NTRK1: variants seen among roughly 807,000 people sequenced by gnomAD.
NTRK1 encodes the protein neurotrophic receptor tyrosine kinase 1, also known as high affinity nerve growth factor receptor.
In NTRK1, 62 loss-of-function variants were observed where a neutral mutation model predicts 86.8. That is an observed-to-expected ratio of 0.71 (90% confidence interval 0.58 to 0.88). NTRK1 has a LOEUF of 0.88. Ranked by LOEUF, NTRK1 falls within the 40% of genes least tolerant of loss-of-function variation. The probability of loss-of-function intolerance (pLI) is 0.00; values close to 1 mark genes in which losing one functional copy is unlikely to be tolerated. For synonymous variants in NTRK1, 469 were observed against 456.6 expected, an observed-to-expected ratio of 1.03 and a Z score of -0.35; for missense variants, 967 against 1,078.4, an observed-to-expected ratio of 0.90 and a Z score of 1.45.
At chr1:156,846,772 CCA>C in intron 2 of NTRK1, 1 of 1,604,002 alleles carries the variant, frequency 6.2e-7, no homozygotes, top group East Asian at 2.2e-5. Flanking sequence ...ACACCCATCC[CCA>C]GAGCTGAGGG....
intron 2 of NTRK1, chr1:156,844,562 G>A (rs1654920087): frequency 1.2e-6 from 2 of 1,614,180 alleles, no homozygotes; most frequent in African/African-American, 1.3e-5. Context: ...GGGGCAGCAG[G>A]GCCAGGTGGA....
chr1:156,821,524 A>T (rs769611619), intron 1 of NTRK1, among the ~76,000 whole-genome samples: 13 of 151,330 alleles, frequency 8.6e-5, no homozygotes, highest in Middle Eastern at 3.4e-3. Flanking sequence ...GTCAGAAGAC[A>T]TGAGATTAAG....
chr1:156,847,652 T>C (rs1419169146), intron 2 of NTRK1, among the ~76,000 whole-genome samples: 7 of 151,014 alleles, frequency 4.6e-5, no homozygotes, highest in Admixed American at 4.6e-4. Context: ...ATAAGCAGGA[T>C]AGTCCAGGAG....
In NTRK1 at chr1:156,846,796, C is replaced by A. The variant is rs745445400; in HGVS notation, c.50+4603C>A. 1.9e-6 allele frequency: 3 copies of A among 1,545,220 alleles called. No homozygotes were observed. The South Asian group carries it at 3.4e-5, about 17-fold the overall frequency. On this transcript the variant is annotated intron_variant, in intron 2 of 16. Transcript: ENST00000392302. ...CCCAGAGCTGAGGGGTCATTCAACC[C>A]CACCCTCAAGTTCTGGCACCCCCGC... is the stretch of plus-strand genomic sequence containing the variant.
At position 156,818,976 on chromosome 1, in the gene NTRK1, C is replaced by T. The variant is rs903686571; in HGVS notation, c.-64+3138C>T. Among the ~76,000 whole-genome samples the T allele has an allele frequency of 3.3e-5, 5 of 152,210 alleles. No homozygotes were observed. The East Asian group carries it at 9.7e-4, about 29-fold the overall frequency. ...CTGTTCCCTTTTCACCACATCCATG[C>T]CAACATCTATTTGTGTGTCTGTGTG... On this transcript the variant is annotated intron_variant, in intron 1 of 16. Coordinates refer to the NTRK1 transcript ENST00000392302.
At chr1:156,832,720 G>A (rs1393416958) in intron 1 of NTRK1, among the ~76,000 whole-genome samples, 1 of 152,186 alleles carries the variant, frequency 6.6e-6, no homozygotes, top group Admixed American at 6.5e-5. Flanking sequence ...TTGGCACTGG[G>A]GAGCCATTGA....
At chr1:156,874,871 A>G (rs2102911660) in intron 10 of NTRK1, 35 bp from the exon 11 acceptor site, 1 of 1,472,610 alleles carries the variant, frequency 6.8e-7, no homozygotes, top group Non-Finnish European at 9.5e-7. Context: ...GTACAGGAGG[A>G]GCCCCTGGAT....
intron 1 of NTRK1, among the ~76,000 whole-genome samples, chr1:156,826,664 C>T (rs1380542093): frequency 6.6e-6 from 1 of 152,164 alleles, no homozygotes; most frequent in East Asian, 1.9e-4. Flanking sequence ...AACCAGAATC[C>T]AGGATGTTTT....
At chr1:156,853,182 G>T (rs1253961213) in intron 2 of NTRK1, among the ~76,000 whole-genome samples, 4 of 151,734 alleles carry the variant, frequency 2.6e-5, no homozygotes, top group Non-Finnish European at 5.9e-5. Context: ...TTCTTCTCCT[G>T]CTCACCCCCA....
At position 156,876,447 on chromosome 1, in the gene NTRK1, G is replaced by A. The variant is rs2102919334; in HGVS notation, c.1680G>A (p.Glu560=). ...GTGCTCGGCAGGACTTCCAGCGTGA[G>A]GCTGAGCTGCTCACCATGCTGCAGC... ...SESARQDFQR[E]AELLTMLQHQ... The change falls in exon 14 of 17, where the codon GAG becomes GAA. Residue 560 remains glutamate, a synonymous_variant. Coordinates refer to ENST00000524377, the MANE Select transcript of NTRK1 (RefSeq NM_002529.4). 1 of 1,613,906 alleles carries A rather than the reference G, an allele frequency of 6.2e-7. No individual in the cohort carries two copies. Among genetic ancestry groups the A allele is most frequent in the Non-Finnish European group, 8.5e-7 (1 of 1,180,032 alleles).
intron 1 of NTRK1, among the ~76,000 whole-genome samples, chr1:156,818,635 T>G (rs1654094443): frequency 6.6e-6 from 1 of 152,128 alleles, no homozygotes; most frequent in Non-Finnish European, 1.5e-5. Flanking sequence ...CCAACCAAGA[T>G]ACTGCAAAAG....
intron 1 of NTRK1, chr1:156,816,279 G>T: frequency 2.0e-6 from 1 of 502,314 alleles, no homozygotes; most frequent in Non-Finnish European, 2.6e-6. Context: ...CGGCATGGGG[G>T]GCTAATGCTG....
rs1389672909 is a variant in NTRK1, at chr1:156,881,759, T to C, written c.*117T>C. 1 of 1,069,942 alleles carries C rather than the reference T, an allele frequency of 9.3e-7. No homozygotes were observed. The highest frequency in any genetic ancestry group is 1.3e-6 in the Non-Finnish European group (1 of 765,256). The allele number at this position is 1,069,942 out of a possible 1,614,324, so 66.3% of individuals were successfully genotyped here. On this transcript the variant is annotated 3_prime_UTR_variant, in exon 17 of 17. Transcript: ENST00000524377. ...CAAAGTATCTAATTCACCCTCAGCA[T>C]GTGGGAAGGGACAGGTGGGGGCTGG...
rs201336491 is a variant in NTRK1, at chr1:156,868,259, G to A, written c.574+10G>A. The A allele has an allele frequency of 3.9e-4, 619 of 1,606,530 alleles. 1 individual carries two copies. Among genetic ancestry groups the A allele is most frequent in the Admixed American group, 6.3e-4 (38 of 60,010 alleles). ...CCCAATGCCAGCTGTGGTAGGTGCC[G>A]GGTGAGGGAGGTGGTGTAAGGGGGC... On this transcript the variant is annotated intron_variant, in intron 5 of 16. Coordinates refer to ENST00000524377, the MANE Select transcript of NTRK1 (RefSeq NM_002529.4).
intron 2 of NTRK1, chr1:156,849,326 C>A: frequency 6.2e-7 from 1 of 1,613,876 alleles, no homozygotes; most frequent in Non-Finnish European, 8.5e-7. Context: ...CTCCTCCAGT[C>A]GGTAGATGTG....
intron 1 of NTRK1, among the ~76,000 whole-genome samples, chr1:156,833,680 A>C (rs1178346993): frequency 6.6e-6 from 1 of 152,200 alleles, no homozygotes; most frequent in Non-Finnish European, 1.5e-5. Context: ...TCTTGGCTCT[A>C]AACCCTCCCT....
chr1:156,851,263 G>C, intron 2 of NTRK1: 1 of 1,613,670 alleles, frequency 6.2e-7, no homozygotes, highest in Non-Finnish European at 8.5e-7. Flanking sequence ...TGTAATAGAA[G>C]GAGCTGGTCA....
intron 1 of NTRK1, among the ~76,000 whole-genome samples, chr1:156,822,316 T>C (rs1054672373): frequency 2.0e-5 from 3 of 152,060 alleles, no homozygotes; most frequent in Admixed American, 6.5e-5. Context: ...TTCAAGATGG[T>C]AGTCAAGAGT....
chr1:156,863,453 T>G lies in NTRK1; in HGVS notation c.213-901T>G, dbSNP rs59936023. Among the ~76,000 whole-genome samples, 6 of 152,294 alleles carry G rather than the reference T, an allele frequency of 3.9e-5. No individual in the cohort carries two copies. In the East Asian group the frequency reaches 1.2e-3, roughly 29 times the overall value. On this transcript the variant is annotated intron_variant, in intron 1 of 16. Transcript: ENST00000524377. Reference sequence around the variant, plus strand: ...CTCTTGCTGTGTAAGTCAGCCAGTCTGTGCCTCTTCTCCCCTCCTCGACAC... The same window carrying G: ...CTCTTGCTGTGTAAGTCAGCCAGTCGGTGCCTCTTCTCCCCTCCTCGACAC...
Sources: gnomAD v4.1 joint callset for allele counts (sites outside exome capture counted in the v4.1 genomes callset) on GRCh38, gnomAD v4.1.1 for gene constraint, MANE v1.5 for transcripts, NCBI Gene and HGNC (gene_info 2026-07-23, HGNC 2026-07-21) for gene names.